The following GPC5 variants were observed in gnomAD, a reference collection of about 807,000 sequenced individuals.
GPC5 encodes the protein glypican-5.
Under a neutral mutation model 53.9 loss-of-function variants are expected in GPC5, and 47 were observed. The observed-to-expected ratio is 0.87, with a 90% confidence interval of 0.69 to 1.11. GPC5 has a LOEUF of 1.11. Ranked by LOEUF, GPC5 falls within the 50% of genes most tolerant of loss-of-function variation. The pLI, the probability that GPC5 is intolerant of heterozygous loss-of-function variation, is 0.00. For synonymous variants in GPC5, 286 were observed against 263.3 expected, an observed-to-expected ratio of 1.09 and a Z score of -0.84; for missense variants, 748 against 713.1, an observed-to-expected ratio of 1.05 and a Z score of -0.56.
chr13:92,846,910 C>G (rs1309152493), intron 7 of GPC5, among the ~76,000 whole-genome samples: 1 of 152,092 alleles, frequency 6.6e-6, no homozygotes, highest in East Asian at 1.9e-4. Flanking sequence ...TTTTATAATG[C>G]ATTTTCACCA....
At chr13:92,205,072 G>A (rs1257317802) in intron 7 of GPC5, among the ~76,000 whole-genome samples, 2 of 152,102 alleles carry the variant, frequency 1.3e-5, no homozygotes, top group African/African-American at 2.4e-5. Flanking sequence ...TAGAGAAGGG[G>A]TTTCACCATG....
At chr13:91,841,392 C>A (rs764102307) in intron 5 of GPC5, among the ~76,000 whole-genome samples, 1 of 149,912 alleles carries the variant, frequency 6.7e-6, no homozygotes, top group Admixed American at 6.7e-5. Context: ...CTTAGGCCAG[C>A]AAAGAGGTCT....
intron 7 of GPC5, among the ~76,000 whole-genome samples, chr13:92,765,961 CTTT>C (rs1297566726): frequency 3.3e-5 from 5 of 151,848 alleles, no homozygotes; most frequent in Non-Finnish European, 7.4e-5. Flanking sequence ...GAATGAAAAC[CTTT>C]TTAAGGCAGA....
chr13:91,887,072 C>T (rs946860077), intron 5 of GPC5, among the ~76,000 whole-genome samples: 1 of 152,170 alleles, frequency 6.6e-6, no homozygotes, highest in Non-Finnish European at 1.5e-5. Flanking sequence ...CCTGTGCCCC[C>T]CAACAGCAAA....
chr13:92,675,401 A>T (rs1441301071), intron 7 of GPC5, among the ~76,000 whole-genome samples: 1 of 152,114 alleles, frequency 6.6e-6, no homozygotes, highest in Non-Finnish European at 1.5e-5. Flanking sequence ...CTCTGTTTAA[A>T]TCTGTTAACT....
chr13:92,049,048 G>A (rs1307686385), intron 6 of GPC5, among the ~76,000 whole-genome samples: 1 of 152,106 alleles, frequency 6.6e-6, no homozygotes, highest in Non-Finnish European at 1.5e-5. Flanking sequence ...TGGATTTTAA[G>A]TAAATTTGGA....
intron 7 of GPC5, among the ~76,000 whole-genome samples, chr13:92,315,950 T>C (rs1456119643): frequency 1.3e-5 from 2 of 152,164 alleles, no homozygotes. Flanking sequence ...CTTACATGGT[T>C]ATAATAAAAG....
intron 7 of GPC5, among the ~76,000 whole-genome samples, chr13:92,352,059 C>G (rs1488225173): frequency 6.6e-6 from 1 of 152,064 alleles, no homozygotes; most frequent in Non-Finnish European, 1.5e-5. Context: ...GATGACTTAA[C>G]TCTTGAGCTT....
rs2038325864 is a variant in GPC5 at position 91,812,326 on chromosome 13, T to G, written c.1280+55906T>G. On this transcript the variant is annotated intron_variant, in intron 5 of 7. Coordinates refer to ENST00000377067, the MANE Select transcript of GPC5 (RefSeq NM_004466.6). ...GCCTGTTTTTTAAAACACATAAATTTTTTGTTGCTTTGAAAGTATGGAATA... is the reference window on the plus strand; with the variant it reads ...GCCTGTTTTTTAAAACACATAAATTGTTTGTTGCTTTGAAAGTATGGAATA... 2.0e-5 allele frequency among the ~76,000 whole-genome samples: 3 copies of G among 152,308 alleles called. No homozygotes were observed. In the South Asian group the frequency reaches 6.2e-4, roughly 32 times the overall value.
At chr13:92,700,098 G>C (rs1201010578) in intron 7 of GPC5, among the ~76,000 whole-genome samples, 1 of 152,088 alleles carries the variant, frequency 6.6e-6, no homozygotes, top group Non-Finnish European at 1.5e-5. Context: ...CTTGCTTTAT[G>C]AATCTGGGTG....
chr13:92,479,590 C>A (rs966936821), intron 7 of GPC5, among the ~76,000 whole-genome samples: 2 of 152,100 alleles, frequency 1.3e-5, no homozygotes, highest in African/African-American at 4.8e-5. Context: ...GACATAGTTC[C>A]TCCTCCTCCC....
At chr13:92,789,443 G>A (rs904450885) in intron 7 of GPC5, among the ~76,000 whole-genome samples, 8 of 152,074 alleles carry the variant, frequency 5.3e-5, no homozygotes, top group Non-Finnish European at 1.0e-4. Flanking sequence ...GATTACACAG[G>A]GGAGAAGCAT....
chr13:91,534,141 A>G (rs757040092), intron 2 of GPC5, among the ~76,000 whole-genome samples: 1 of 152,176 alleles, frequency 6.6e-6, no homozygotes, highest in Admixed American at 6.5e-5. Context: ...TCATGATTAT[A>G]TATTATGATT....
intron 5 of GPC5, among the ~76,000 whole-genome samples, chr13:91,770,992 T>A (rs895783637): frequency 6.6e-6 from 1 of 152,104 alleles, no homozygotes; most frequent in African/African-American, 2.4e-5. Context: ...AAAATATAAA[T>A]CTTCTTTGCA....
At chr13:92,586,618 C>A (rs908678849) in intron 7 of GPC5, among the ~76,000 whole-genome samples, 5 of 152,172 alleles carry the variant, frequency 3.3e-5, no homozygotes, top group African/African-American at 1.2e-4. Context: ...GTGAGCTCAG[C>A]TTTACTTAGT....
At position 91,411,014 on chromosome 13, in the gene GPC5, C is replaced by T. The variant is rs534585273; in HGVS notation, c.163+11805C>T. Among the ~76,000 whole-genome samples, 172 of 152,252 alleles carry T rather than the reference C, an allele frequency of 1.1e-3. 3 individuals are homozygous for T. The highest frequency in any genetic ancestry group is 0.01 in the Middle Eastern group (3 of 294). ...ATCCCAGCTACTCGGGAAGCCGAGG[C>T]AGGAGAATCGCTTGAACCTGGGAGG... On this transcript the variant is annotated intron_variant, in intron 1 of 7. Coordinates refer to ENST00000377067, the MANE Select transcript of GPC5 (RefSeq NM_004466.6).
chr13:92,485,455 A>G (rs1879516954), intron 7 of GPC5, among the ~76,000 whole-genome samples: 1 of 152,094 alleles, frequency 6.6e-6, no homozygotes, highest in South Asian at 2.1e-4. Flanking sequence ...TTTTAAATGT[A>G]TTTTGTCTTT....
chr13:91,494,158 G>A (rs1884104563), intron 2 of GPC5, among the ~76,000 whole-genome samples: 1 of 151,800 alleles, frequency 6.6e-6, no homozygotes, highest in Non-Finnish European at 1.5e-5. Flanking sequence ...TCAAAGTGCT[G>A]AGATTACAGG....
chr13:91,613,474 T>G (rs2033614779), intron 2 of GPC5, among the ~76,000 whole-genome samples: 1 of 152,158 alleles, frequency 6.6e-6, no homozygotes, highest in Non-Finnish European at 1.5e-5. Flanking sequence ...GAGTTAGAAT[T>G]CAAGATGAGA....
Sources: gnomAD v4.1 joint callset for allele counts (sites outside exome capture counted in the v4.1 genomes callset) on GRCh38, gnomAD v4.1.1 for gene constraint, MANE v1.5 for transcripts, NCBI Gene and HGNC (gene_info 2026-07-23, HGNC 2026-07-21) for gene names.